C20orf96: variants seen among roughly 807,000 people sequenced by gnomAD.
C20orf96 encodes the protein chromosome 20 open reading frame 96.
A neutral mutation model predicts 52.6 loss-of-function variants in C20orf96; 57 were observed. The observed-to-expected ratio is 1.08, with a 90% CI of 0.88 to 1.35. C20orf96 has a LOEUF of 1.35. Among genes scored for constraint, C20orf96 ranks in the 40% most tolerant of loss-of-function variants. C20orf96 has a pLI of 0.00. For missense variants in C20orf96, 478 were observed against 443.6 expected (o/e 1.08, Z -0.70); for synonymous variants, 168 against 157.2 (o/e 1.07, Z -0.51).
At chr20:274,010 A>G (rs985056305) in intron 10 of C20orf96, among the ~76,000 whole-genome samples, 2 of 116,250 alleles carry the variant, frequency 1.7e-5, no homozygotes, top group African/African-American at 6.6e-5. Context: ...AAGAAAGAAA[A>G]AGAAAAGAGA....
chr20:279,925 C>T (rs929524763), intron 4 of C20orf96, among the ~76,000 whole-genome samples: 4 of 152,036 alleles, frequency 2.6e-5, no homozygotes, highest in African/African-American at 4.8e-5. Context: ...AGCGAGATGG[C>T]GCCACTGCTC....
At chr20:275,426 A>C (rs2011986751) in intron 10 of C20orf96, among the ~76,000 whole-genome samples, 3 of 152,198 alleles carry the variant, frequency 2.0e-5, no homozygotes, top group Non-Finnish European at 4.4e-5. Context: ...AAAATTAAAG[A>C]ATTTGCAAAT....
At position 289,645 on chromosome 20, in the gene C20orf96, T is replaced by C; in HGVS notation, c.101A>G (p.Glu34Gly). 1.2e-6 allele frequency: 2 copies of C among 1,614,054 alleles called. No individual in the cohort carries two copies. Among genetic ancestry groups the C allele is most frequent in the Non-Finnish European group, 1.7e-6 (2 of 1,179,958 alleles). ...DYVPWQQSKQ[E>G]TKPSTLPPVQ... ...TGGAGGCAGAGTAGATGGCTTGGTT[T>C]CCTGCTTGGACTGCTGCCATGGAAC... The change falls in exon 3 of 11, where the codon GAA becomes GGA. Residue 34 changes from glutamate to glycine, a missense_variant. Physicochemically the swap from Glu to Gly is moderately conservative, Grantham distance 98. Transcript: ENST00000360321.
intron 8 of C20orf96, 45 bp downstream of exon 8, chr20:276,999 G>C: frequency 6.3e-7 from 1 of 1,594,734 alleles, no homozygotes; most frequent in Non-Finnish European, 8.6e-7. Context: ...GCGGGGTGGG[G>C]GTGAGACCTG....
At chr20:283,014 T>C (rs1037830349) in intron 4 of C20orf96, among the ~76,000 whole-genome samples, 3 of 152,254 alleles carry the variant, frequency 2.0e-5, no homozygotes, top group African/African-American at 4.8e-5. Context: ...TTGTTCTTTA[T>C]ATAGTAGTCA....
In C20orf96 at chr20:284,061, T is replaced by G. The variant is rs959900859; in HGVS notation, c.208A>C (p.Thr70Pro). The G allele has an allele frequency of 1.7e-5, 27 of 1,613,832 alleles. No homozygotes were observed. The highest frequency in any genetic ancestry group is 2.2e-5 in the Non-Finnish European group (26 of 1,179,928). Residue 70 changes from threonine (T) to proline (P), a missense_variant, in exon 4 of 11, where the codon ACG becomes CCG. Physicochemically the swap from Thr to Pro is conservative, Grantham distance 38. Transcript: ENST00000360321. ...TTCGGCTGGCAGCTTGTCACCACCG[T>G]AGTGGGCTTGAAGTGAAACACTAGG... The part of the protein sequence containing the change: ...VQPVFHFKPT[T>P]VVTSCQPKNP...
At chr20:271,643 C>A (rs1310177994) in intron 10 of C20orf96, among the ~76,000 whole-genome samples, 1 of 152,168 alleles carries the variant, frequency 6.6e-6, no homozygotes, top group Non-Finnish European at 1.5e-5. Context: ...TAACTTTGAC[C>A]TGTGTCACCT....
At chr20:272,200 TA>T (rs111843233) in intron 10 of C20orf96, among the ~76,000 whole-genome samples, 19,165 of 148,008 alleles carry the variant, frequency 0.13, 1,777 homozygotes, top group African/African-American at 0.27. Context: ...ATAATAATAG[TA>T]AAAAAAAAAA....
chr20:277,264 G>A lies in C20orf96; in HGVS notation c.685C>T (p.Leu229Phe), dbSNP rs372622119. 1 of 1,614,198 alleles carries A rather than the reference G, an allele frequency of 6.2e-7. No individual in the cohort carries two copies. The highest frequency in any genetic ancestry group is 1.7e-5 in the Admixed American group (1 of 60,024). The change falls in exon 7 of 11, where the codon CTT (leucine) becomes TTT (phenylalanine). Residue 229 changes from leucine to phenylalanine, a missense_variant. Coordinates refer to ENST00000360321, the MANE Select transcript of C20orf96 (RefSeq NM_153269.3). ...YSIKSVQIST[L>F]MRQLQQVKDS... is the part of the protein sequence containing the mutation. ...TTAACCTGCTGCAGCTGGCGCATAA[G>A]AGTGGAGATCTGGACAGACTTGATG... is the stretch of plus-strand genomic sequence containing the variant.
In C20orf96 at chr20:276,843, T is replaced by G. The variant is rs772525783; in HGVS notation, c.862A>C (p.Lys288Gln). Reference sequence around the variant, plus strand: ...AGGAAGTCCTGGCTTTCCCACATCTTCTGTAGGAGAGCCTCTTCATAGGGA... The same window carrying G: ...AGGAAGTCCTGGCTTTCCCACATCTGCTGTAGGAGAGCCTCTTCATAGGGA... Reference protein sequence around the residue: ...QRPYEEALLQKMWESQDFLKC... With the variant: ...QRPYEEALLQQMWESQDFLKC... The change falls in exon 9 of 11, where the codon AAG becomes CAG. Residue 288 changes from lysine to glutamine, a missense_variant. Physicochemically the swap from Lys to Gln is moderately conservative, Grantham distance 53. Coordinates refer to ENST00000360321, the MANE Select transcript of C20orf96 (RefSeq NM_153269.3). 11 of 1,613,808 alleles carry G rather than the reference T, an allele frequency of 6.8e-6. No individual in the cohort carries two copies. The highest frequency in any genetic ancestry group is 6.7e-5 in the Admixed American group (4 of 59,972).
chr20:277,427 C>G, intron 6 of C20orf96, 44 bp from the exon 7 acceptor site: 1 of 1,605,436 alleles, frequency 6.2e-7, no homozygotes, highest in Non-Finnish European at 8.5e-7. Flanking sequence ...GAGGCAAGAC[C>G]TTCCCTCAAG....
intron 10 of C20orf96, among the ~76,000 whole-genome samples, chr20:274,126 G>A (rs903076367): frequency 5.9e-5 from 9 of 151,968 alleles, no homozygotes; most frequent in Admixed American, 2.0e-4. Flanking sequence ...TTTTTAACGC[G>A]ATCTCCAGGT....
intron 10 of C20orf96, among the ~76,000 whole-genome samples, chr20:272,314 T>C (rs893996932): frequency 1.3e-5 from 2 of 152,206 alleles, no homozygotes; most frequent in African/African-American, 2.4e-5. Flanking sequence ...TGACTCCACC[T>C]TGGCACCTCA....
rs397776970 is a variant in C20orf96, at chr20:290,495, C to CG, written c.20+95dup. 8.4e-6 allele frequency: 12 copies of CG among 1,432,120 alleles called. No individual in the cohort carries two copies. In the South Asian group the frequency reaches 1.5e-4, roughly 17 times the overall value. 88.7% of individuals were successfully genotyped at this position (1,432,120 alleles called of 1,614,324 possible). A position where few individuals can be genotyped will look rare whatever the true frequency, so the allele number is the denominator to read the frequency against. On this transcript the variant is annotated intron_variant, in intron 1 of 10. Transcript: ENST00000360321. ...AGGACGGGGGTCAGAAGACCGAGGG[C>CG]GACCTCGAGGCGAGGGCGGGACAGC...
Position 277,351 on chromosome 20 carries a change from T to C in C20orf96, c.598A>G (p.Lys200Glu), listed in dbSNP as rs760014846. Residue 200 changes from lysine (K) to glutamate (E), a missense_variant, in exon 7 of 11, where the codon AAG (lysine) becomes GAG (glutamate). Lys to Glu is a moderately conservative substitution (Grantham distance 56). Coordinates refer to ENST00000360321, the MANE Select transcript of C20orf96 (RefSeq NM_153269.3). ...ACTTCCTCCTGGGTCTTCTCAATCT[T>C]GGCATTCAGCTGCTCTGCCTGCTGC... ...LEQQAEQLNA[K>E]IEKTQEEVNF... 6.2e-7 allele frequency: 1 copy of C among 1,614,056 alleles called. No individual in the cohort carries two copies.
intron 3 of C20orf96, among the ~76,000 whole-genome samples, chr20:285,864 G>A (rs546076901): frequency 8.8e-4 from 134 of 152,234 alleles, no homozygotes; most frequent in African/African-American, 3.2e-3. Context: ...GTGAGCCACC[G>A]CGCCCGGCCA....
At chr20:278,463 CTCTGCT>C in intron 5 of C20orf96, 34 bp from the exon 6 acceptor site, 1 of 1,557,098 alleles carries the variant, frequency 6.4e-7, no homozygotes, top group Non-Finnish European at 8.9e-7. Flanking sequence ...CACCCACAGG[CTCTGCT>C]GGCTCTCAGA....
At chr20:272,039 G>A (rs1050665339) in intron 10 of C20orf96, among the ~76,000 whole-genome samples, 3 of 151,702 alleles carry the variant, frequency 2.0e-5, no homozygotes, top group Non-Finnish European at 4.4e-5. Flanking sequence ...GAAGTATTTA[G>A]GCAGGAAATG....
At chr20:275,898 C>G (rs1369861790) in intron 10 of C20orf96, 70 bp downstream of exon 10, 1 of 1,470,422 alleles carries the variant, frequency 6.8e-7, no homozygotes, top group East Asian at 2.3e-5. Context: ...CTGCCTTCCC[C>G]AAGAACAGAG....
Sources: allele counts gnomAD v4.1 joint callset (sites outside exome capture counted in the v4.1 genomes callset), GRCh38; gene constraint gnomAD v4.1.1; transcripts MANE v1.5; gene names NCBI Gene and HGNC (gene_info 2026-07-23, HGNC 2026-07-21).